The following KCNMA1 variants were observed in gnomAD, a reference collection of about 807,000 sequenced individuals.
KCNMA1 encodes the protein Calcium-activated potassium channel subunit alpha-1.
KCNMA1 carries 29 observed loss-of-function variants against 140.0 expected under a neutral mutation model. The ratio of observed to expected loss-of-function variants is 0.21; its 90% CI spans 0.15 to 0.28. The LOEUF is 0.28. Ranked by LOEUF, KCNMA1 falls within the 10% of genes least tolerant of loss-of-function variation. The probability of loss-of-function intolerance (pLI) is 1.00; values close to 1 mark genes in which losing one functional copy is unlikely to be tolerated. For synonymous variants in KCNMA1, 612 were observed against 611.9 expected, an observed-to-expected ratio of 1.00 and a Z score of 0.00; for missense variants, 880 against 1,602.2, an observed-to-expected ratio of 0.55 and a Z score of 7.70.
intron 1 of KCNMA1, among the ~76,000 whole-genome samples, chr10:77,579,546 T>C (rs558490900): frequency 6.6e-6 from 1 of 152,218 alleles, no homozygotes; most frequent in South Asian, 2.1e-4. Flanking sequence ...GTCTATTGTT[T>C]TTTTCAACCA....
intron 2 of KCNMA1, among the ~76,000 whole-genome samples, chr10:77,308,004 T>C (rs1178206589): frequency 6.6e-6 from 1 of 152,182 alleles, no homozygotes; most frequent in African/African-American, 2.4e-5. Flanking sequence ...GCATGTTCAT[T>C]AACCTGTTTT....
At chr10:77,496,903 T>C (rs2042160112) in intron 1 of KCNMA1, among the ~76,000 whole-genome samples, 1 of 152,148 alleles carries the variant, frequency 6.6e-6, no homozygotes, top group African/African-American at 2.4e-5. Context: ...GCTCATTGTC[T>C]TCCCACTCGC....
At chr10:76,872,088 G>A in exon 28 of KCNMA1, 1 of 152,178 alleles carries the variant, frequency 6.6e-6, no homozygotes, top group East Asian at 1.9e-4. Flanking sequence ...TCTACTATTT[G>A]TGGATGTCCT....
chr10:77,514,868 T>A (rs898506861), intron 1 of KCNMA1, among the ~76,000 whole-genome samples: 1 of 152,208 alleles, frequency 6.6e-6, no homozygotes, highest in Non-Finnish European at 1.5e-5. Flanking sequence ...GACACCATTT[T>A]TACAGAAACC....
intron 23 of KCNMA1, among the ~76,000 whole-genome samples, chr10:76,940,893 G>A (rs1205440019): frequency 1.3e-5 from 2 of 150,490 alleles, no homozygotes; most frequent in African/African-American, 2.5e-5. Context: ...CCCAGGAGGT[G>A]GAGGTTGCAG....
In KCNMA1 at chr10:77,121,354, T is replaced by C. The variant is rs117308500; in HGVS notation, c.809-306A>G. Among the ~76,000 whole-genome samples the C allele has an allele frequency of 6.1e-4, 93 of 152,344 alleles. 1 individual carries two copies. The highest frequency in any genetic ancestry group is 1.2e-3 in the Non-Finnish European group (79 of 68,024). On this transcript the variant is annotated intron_variant, in intron 5 of 27. Transcript: ENST00000286628. The stretch of plus-strand genomic sequence containing the variant: ...GATCTCTGATTGAAAGCACTGTTTC[T>C]AAGTTACCTAGTTATCTGGCAGGAT...
intron 1 of KCNMA1, chr10:77,636,817 A>G: frequency 1.4e-6 from 2 of 1,440,926 alleles, no homozygotes; most frequent in South Asian, 1.5e-5. Flanking sequence ...CAGGTTCCTA[A>G]AGTATGGGCG....
At chr10:77,407,864 A>G (rs544651325) in intron 1 of KCNMA1, among the ~76,000 whole-genome samples, 20 of 152,284 alleles carry the variant, frequency 1.3e-4, no homozygotes, top group African/African-American at 4.3e-4. Flanking sequence ...ACTTTCATCA[A>G]CCAGTGGCCC....
intron 25 of KCNMA1, among the ~76,000 whole-genome samples, chr10:76,909,596 G>A (rs1489292453): frequency 6.6e-6 from 1 of 151,970 alleles, no homozygotes; most frequent in African/African-American, 2.4e-5. Flanking sequence ...CCAACACCAG[G>A]TTTTGCATTT....
At chr10:76,939,216 G>T (rs1290811242) in intron 23 of KCNMA1, 1 of 144,900 alleles carries the variant, frequency 6.9e-6, no homozygotes, top group African/African-American at 2.6e-5. Flanking sequence ...CGCCTCCTGG[G>T]TTCAAATGAT....
intron 3 of KCNMA1, among the ~76,000 whole-genome samples, chr10:77,212,867 C>T (rs1309096904): frequency 6.6e-6 from 1 of 152,192 alleles, no homozygotes; most frequent in African/African-American, 2.4e-5. Flanking sequence ...AACTTCTAGA[C>T]AAGATGATTC....
At chr10:77,148,394 T>C (rs779164912) in intron 5 of KCNMA1, 1 of 152,222 alleles carries the variant, frequency 6.6e-6, no homozygotes, top group Non-Finnish European at 1.5e-5. Context: ...TTGATTTAGC[T>C]CTCTGTAAGG....
At chr10:76,974,428 A>G in intron 19 of KCNMA1, 1 of 992,394 alleles carries the variant, frequency 1.0e-6, no homozygotes, top group Non-Finnish European at 1.6e-6. Flanking sequence ...GGTAAAGTAG[A>G]ATGTTGAGGG....
intron 5 of KCNMA1, among the ~76,000 whole-genome samples, chr10:77,153,653 T>G (rs1368667408): frequency 6.6e-6 from 1 of 152,218 alleles, no homozygotes; most frequent in Non-Finnish European, 1.5e-5. Context: ...TGAGCCACCA[T>G]GCCCAGCCTC....
intron 2 of KCNMA1, among the ~76,000 whole-genome samples, chr10:77,328,369 T>C (rs1451074002): frequency 6.6e-6 from 1 of 152,112 alleles, no homozygotes; most frequent in Non-Finnish European, 1.5e-5. Context: ...TACTGTCAAG[T>C]CCCAACGAGG....
intron 1 of KCNMA1, among the ~76,000 whole-genome samples, chr10:77,617,366 C>T (rs2089947076): frequency 6.6e-6 from 1 of 152,170 alleles, no homozygotes; most frequent in South Asian, 2.1e-4. Context: ...ATCATGAGGG[C>T]AGGCTCAGGT....
chr10:77,581,293 G>C (rs989403420), intron 1 of KCNMA1, among the ~76,000 whole-genome samples: 3 of 143,352 alleles, frequency 2.1e-5, no homozygotes, highest in African/African-American at 7.9e-5. Context: ...ACCAGGCTCT[G>C]TTTGATACCC....
chr10:77,025,345 T>A, intron 16 of KCNMA1: 1 of 841,980 alleles, frequency 1.2e-6, no homozygotes, highest in Non-Finnish European at 1.9e-6. Flanking sequence ...TACATATATA[T>A]AATCTCTCTC....
intron 5 of KCNMA1, among the ~76,000 whole-genome samples, chr10:77,145,413 TGTGTCTA>T (rs2098271029): frequency 6.6e-6 from 1 of 152,224 alleles, no homozygotes. Context: ...TCTCTGGACA[TGTGTCTA>T]TTCCAAAAAA....
Sources: gnomAD v4.1 joint callset for allele counts (sites outside exome capture counted in the v4.1 genomes callset) on GRCh38, gnomAD v4.1.1 for gene constraint, MANE v1.5 for transcripts, NCBI Gene and HGNC (gene_info 2026-07-23, HGNC 2026-07-21) for gene names.